The following EPHA6 variants were observed in gnomAD, a reference collection of about 807,000 sequenced individuals.
EPHA6 encodes the protein ephrin type-A receptor 6.
A neutral mutation model predicts 112.0 loss-of-function variants in EPHA6; 50 were observed. The ratio of observed to expected loss-of-function variants is 0.45; its 90% confidence interval spans 0.36 to 0.56. The LOEUF is 0.56. Ranked by LOEUF, EPHA6 falls within the 20% of genes least tolerant of loss-of-function variation. The pLI is 0.00. For missense variants in EPHA6, 1,280 were observed against 1,417.4 expected, an observed-to-expected ratio of 0.90 and a Z score of 1.56; for synonymous variants, 529 against 490.7, an observed-to-expected ratio of 1.08 and a Z score of -1.03.
chr3:97,458,262 T>G (rs1026221912), intron 7 of EPHA6, among the ~76,000 whole-genome samples: 1 of 151,982 alleles, frequency 6.6e-6, no homozygotes, highest in Non-Finnish European at 1.5e-5. Flanking sequence ...TACTGTACTA[T>G]AAAGATAGGC....
chr3:97,736,097 C>A lies in EPHA6; in HGVS notation c.3107C>A (p.Thr1036Asn). The A allele has an allele frequency of 6.2e-7, 1 of 1,611,920 alleles. No homozygotes were observed. Among genetic ancestry groups the A allele is most frequent in the Non-Finnish European group, 8.5e-7 (1 of 1,178,752 alleles). Residue 1036 changes from threonine (T) to asparagine (N), a missense_variant, in exon 16 of 18, where the codon ACC (threonine) becomes AAC (asparagine). Around this residue, in one of 4 missense-constraint regions of EPHA6, gnomAD observed 145 missense variants for 153.3 expected, o/e 0.95. Transcript: ENST00000389672. ...KLIRNPSALH[T>N]LVEDILVMPE... is the part of the protein sequence containing the mutation. Reference sequence around the variant, plus strand: ...ATCCGAAATCCCAGTGCCCTTCACACCCTGGTGGAGGACATCCTTGTGTAA... The same window carrying A: ...ATCCGAAATCCCAGTGCCCTTCACAACCTGGTGGAGGACATCCTTGTGTAA...
Position 96,964,218 on chromosome 3 carries a change from A to G in EPHA6, c.451-23112A>G, listed in dbSNP as rs569170512. ...GATGTACAATTATTATTGAAGATCCAGTAGTCTTGCCATTCTGCAGAAAAG... is the reference window on the plus strand; with the variant it reads ...GATGTACAATTATTATTGAAGATCCGGTAGTCTTGCCATTCTGCAGAAAAG... On this transcript the variant is annotated intron_variant, in intron 2 of 17. Transcript: ENST00000389672. 2.9e-4 allele frequency among the ~76,000 whole-genome samples: 44 copies of G among 152,284 alleles called. 1 individual carries two copies. The highest frequency in any genetic ancestry group is 8.2e-4 in the African/African-American group (34 of 41,564).
chr3:97,185,959 A>G (rs535424609), intron 3 of EPHA6, among the ~76,000 whole-genome samples: 1 of 151,172 alleles, frequency 6.6e-6, no homozygotes, highest in Admixed American at 6.6e-5. Context: ...AACTATCACA[A>G]GGACAAAAAA....
intron 14 of EPHA6, among the ~76,000 whole-genome samples, chr3:97,657,596 G>A (rs890305075): frequency 4.6e-5 from 7 of 151,632 alleles, no homozygotes; most frequent in East Asian, 1.9e-4. Flanking sequence ...CTTGTACCTC[G>A]GTTTCCACAT....
chr3:96,918,424 T>C (rs2039591981), intron 2 of EPHA6, among the ~76,000 whole-genome samples: 1 of 152,094 alleles, frequency 6.6e-6, no homozygotes, highest in Non-Finnish European at 1.5e-5. Flanking sequence ...TAGTGACAGT[T>C]AATATATAAA....
chr3:97,641,635 G>A (rs992646972), intron 14 of EPHA6, among the ~76,000 whole-genome samples: 26 of 152,218 alleles, frequency 1.7e-4, no homozygotes, highest in African/African-American at 5.1e-4. Context: ...CTTGGGAAGC[G>A]CAAGGGGTCG....
At chr3:96,900,508 C>A (rs747208061) in intron 2 of EPHA6, among the ~76,000 whole-genome samples, 22 of 152,164 alleles carry the variant, frequency 1.4e-4, no homozygotes, top group Non-Finnish European at 2.4e-4. Context: ...ATCAGAATAT[C>A]ATTGAAAATA....
At chr3:96,934,612 A>G (rs923079062) in intron 2 of EPHA6, among the ~76,000 whole-genome samples, 2 of 151,424 alleles carry the variant, frequency 1.3e-5, no homozygotes, top group Non-Finnish European at 3.0e-5. Context: ...ACTATGTTAT[A>G]ATAATATGGT....
intron 2 of EPHA6, among the ~76,000 whole-genome samples, chr3:96,972,083 A>G (rs1317062901): frequency 1.3e-5 from 2 of 152,212 alleles, no homozygotes; most frequent in South Asian, 2.1e-4. Flanking sequence ...TTTGTGTATT[A>G]ATCATCTACC....
At chr3:97,715,059 C>T (rs1314447466) in intron 14 of EPHA6, among the ~76,000 whole-genome samples, 1 of 152,210 alleles carries the variant, frequency 6.6e-6, no homozygotes. Flanking sequence ...TTCCCTCTTG[C>T]TTACCACTCA....
chr3:97,362,502 C>T (rs911080105), intron 5 of EPHA6, among the ~76,000 whole-genome samples: 10 of 151,744 alleles, frequency 6.6e-5, no homozygotes, highest in Admixed American at 1.3e-4. Context: ...CCTCTTTATA[C>T]GTTAGGACAA....
In EPHA6 at chr3:97,643,129, C is replaced by T. The variant is rs1424692944; in HGVS notation, c.2784+5047C>T. Reference sequence around the variant, plus strand: ...CCTGCAAGCCAGAAGAGAGTGGGGGCCAATATTCAACATTCTTAAAGAAAA... The same window carrying T: ...CCTGCAAGCCAGAAGAGAGTGGGGGTCAATATTCAACATTCTTAAAGAAAA... On this transcript the variant is annotated intron_variant, in intron 14 of 17. Coordinates refer to ENST00000389672, the MANE Select transcript of EPHA6 (RefSeq NM_001080448.3). Among the ~76,000 whole-genome samples the T allele has an allele frequency of 2.6e-5, 4 of 152,018 alleles. No homozygotes were observed. In the South Asian group the frequency reaches 6.2e-4, roughly 24 times the overall value.
chr3:97,135,918 G>C (rs2075757585), intron 3 of EPHA6, among the ~76,000 whole-genome samples: 1 of 152,010 alleles, frequency 6.6e-6, no homozygotes, highest in Non-Finnish European at 1.5e-5. Context: ...CAAGCTATGA[G>C]TGGTAAGAAT....
chr3:97,476,254 A>G (rs1427908738), intron 8 of EPHA6, among the ~76,000 whole-genome samples: 1 of 152,190 alleles, frequency 6.6e-6, no homozygotes, highest in African/African-American at 2.4e-5. Flanking sequence ...TAACAAGAAG[A>G]TAAAATAGTC....
chr3:97,330,939 A>T (rs2082767368), intron 5 of EPHA6, among the ~76,000 whole-genome samples: 1 of 152,162 alleles, frequency 6.6e-6, no homozygotes, highest in African/African-American at 2.4e-5. Flanking sequence ...TCAACAGAAT[A>T]TACATTCTTT....
chr3:97,141,127 CA>C (rs1379491219), intron 3 of EPHA6, among the ~76,000 whole-genome samples: 1 of 152,026 alleles, frequency 6.6e-6, no homozygotes, highest in African/African-American at 2.4e-5. Context: ...TTCAATTCAA[CA>C]AGAAGATATA....
At chr3:96,857,398 A>G (rs976802626) in intron 1 of EPHA6, among the ~76,000 whole-genome samples, 1 of 152,100 alleles carries the variant, frequency 6.6e-6, no homozygotes, top group Non-Finnish European at 1.5e-5. Flanking sequence ...TGCTCTTGGC[A>G]TGGGTCACAT....
At chr3:96,880,133 G>A (rs2037224018) in intron 2 of EPHA6, among the ~76,000 whole-genome samples, 1 of 151,906 alleles carries the variant, frequency 6.6e-6, no homozygotes, top group African/African-American at 2.4e-5. Context: ...AACTATAAGA[G>A]AGAATTTTGA....
chr3:97,699,758 T>G (rs752035144), intron 14 of EPHA6, among the ~76,000 whole-genome samples: 2 of 152,230 alleles, frequency 1.3e-5, no homozygotes, highest in Admixed American at 6.5e-5. Context: ...AGAAAACTTA[T>G]GAAAATTAAC....
Sources: allele counts gnomAD v4.1 joint callset (sites outside exome capture counted in the v4.1 genomes callset), GRCh38; gene constraint gnomAD v4.1.1; regional missense constraint gnomAD v4.1.1; transcripts MANE v1.5; gene names NCBI Gene and HGNC (gene_info 2026-07-23, HGNC 2026-07-21).